Variants in CELF2 observed in about 807,000 individuals in gnomAD.
CELF2 encodes CUG triplet repeat RNA-binding protein 2.
A neutral mutation model predicts 62.6 loss-of-function variants in CELF2; 8 were observed. The observed-to-expected ratio is 0.13, with a 90% CI of 0.07 to 0.23. The LOEUF (loss-of-function observed/expected upper bound fraction) is 0.23. CELF2 is among the 10% of genes least tolerant of loss of function. CELF2 has a pLI of 1.00. For missense variants in CELF2, 333 were observed against 671.0 expected (o/e 0.50, Z 5.56); for synonymous variants, 258 against 250.0 (o/e 1.03, Z -0.30).
At chr10:11,055,199 A>T (rs1205241905) in intron 1 of CELF2, among the ~76,000 whole-genome samples, 1 of 152,264 alleles carries the variant, frequency 6.6e-6, no homozygotes, top group African/African-American at 2.4e-5. Flanking sequence ...GATACTTCAC[A>T]TGTATTTTCT....
Position 11,217,302 on chromosome 10 carries a change from A to G in CELF2, c.272-123A>G. 1.6e-6 allele frequency: 1 copy of G among 607,510 alleles called. No homozygotes were observed. The highest frequency in any genetic ancestry group is 2.9e-6 in the Non-Finnish European group (1 of 342,590). 37.6% of individuals were successfully genotyped at this position (607,510 alleles called of 1,614,324 possible). On this transcript the variant is annotated intron_variant, in intron 2 of 12. Coordinates refer to ENST00000633077, the MANE Select transcript of CELF2 (RefSeq NM_001326342.2). This position sits in a 1 kb window ranked among gnomAD's most constrained non-coding sequence, Gnocchi z 5.6. ...TTGAGATGTTGTTATTGCTGTTCTC[A>G]TATGCTTTATTATTTTTAAATTGTG...
In CELF2 at chr10:11,207,204, G is replaced by T. The variant is rs2060631360; in HGVS notation, c.272-10221G>T. On this transcript the variant is annotated intron_variant, in intron 2 of 12. Transcript: ENST00000633077. The surrounding 1 kb of genome is among the most constrained non-coding windows in gnomAD (Gnocchi z 4.1). ...TAGCTGTGCATATTAGGCTGCACTTGCTTTCCCAAGAGGCTTGAAAATGCA... is the reference window on the plus strand; with the variant it reads ...TAGCTGTGCATATTAGGCTGCACTTTCTTTCCCAAGAGGCTTGAAAATGCA... Among the ~76,000 whole-genome samples, 1 of 152,264 alleles carries T rather than the reference G, an allele frequency of 6.6e-6. No homozygotes were observed. Among genetic ancestry groups the T allele is most frequent in the Non-Finnish European group, 1.5e-5 (1 of 68,050 alleles).
chr10:10,799,492 T>TA (rs1564637187), intron 1 of CELF2, among the ~76,000 whole-genome samples: 4 of 151,722 alleles, frequency 2.6e-5, no homozygotes, highest in East Asian at 1.9e-4. Flanking sequence ...TCAAAAAATT[T>TA]AAAAAAAGAG....
At chr10:10,970,409 G>C (rs1043151327) in intron 2 of CELF2, among the ~76,000 whole-genome samples, 1 of 152,120 alleles carries the variant, frequency 6.6e-6, no homozygotes, top group African/African-American at 2.4e-5. Context: ...GATTAAAGTG[G>C]AATGTTAAAG....
At chr10:10,668,783 C>T in the CELF2 span, among the ~76,000 whole-genome samples, 7 of 152,044 alleles carry the variant, frequency 4.6e-5, no homozygotes, top group Non-Finnish European at 1.0e-4. Flanking sequence ...CATGATGAAA[C>T]CCTGTCTCTA....
the CELF2 span, among the ~76,000 whole-genome samples, chr10:10,516,865 T>C: frequency 6.6e-6 from 1 of 151,970 alleles, no homozygotes; most frequent in Non-Finnish European, 1.5e-5. Context: ...TCTCAGACAA[T>C]CCCTCTCAGC....
Position 11,262,948 on chromosome 10 carries a change from T to TTTTTTTTTTTTTTTTTG in CELF2, c.539-3634_539-3633insGTTTTTTTTTTTTTTTT, listed in dbSNP as rs2081152432. Among the ~76,000 whole-genome samples the TTTTTTTTTTTTTTTTTG allele has an allele frequency of 1.5e-5, 2 of 131,574 alleles. 1 individual carries two copies. The highest frequency in any genetic ancestry group is 5.7e-5 in the African/African-American group (2 of 35,214). The allele number at this position is 131,574 out of a possible 152,430, so 86.3% of individuals were successfully genotyped here. ...TTTTAAAAGTGGCTTTACTTTTTTT[T>TTTTTTTTTTTTTTTTTG]TTTTTTTTTTTTTTTTTTTGGTGCA... On this transcript the variant is annotated intron_variant, in intron 5 of 12. Coordinates refer to ENST00000633077, the MANE Select transcript of CELF2 (RefSeq NM_001326342.2).
chr10:10,613,053 A>T, the CELF2 span, among the ~76,000 whole-genome samples: 59 of 152,338 alleles, frequency 3.9e-4, no homozygotes, highest in African/African-American at 1.4e-3. Context: ...AGAAACGCTC[A>T]ACAGACACCC....
chr10:10,666,861 C>CAAAAA, the CELF2 span, among the ~76,000 whole-genome samples: 4 of 25,212 alleles, frequency 1.6e-4, no homozygotes, highest in African/African-American at 8.3e-4. Flanking sequence ...GACTCCGTCT[C>CAAAAA]AAAAAAAAAA....
In CELF2 at chr10:11,255,933, G is replaced by A. The variant is rs977941236; in HGVS notation, c.404-1805G>A. Among the ~76,000 whole-genome samples, 1 of 152,182 alleles carries A rather than the reference G, an allele frequency of 6.6e-6. No individual in the cohort carries two copies. Among genetic ancestry groups the A allele is most frequent in the Non-Finnish European group, 1.5e-5 (1 of 68,034 alleles). On this transcript the variant is annotated intron_variant, in intron 4 of 12. Coordinates refer to ENST00000633077, the MANE Select transcript of CELF2 (RefSeq NM_001326342.2). This position sits in a 1 kb window ranked among gnomAD's most constrained non-coding sequence, Gnocchi z 5.5. Reference sequence around the variant, plus strand: ...CTTCTCTCCTCCTCTGAACTTGGAGGAGACACAGCAGGGGAAGGAATCCTT... The same window carrying A: ...CTTCTCTCCTCCTCTGAACTTGGAGAAGACACAGCAGGGGAAGGAATCCTT...
At chr10:10,685,786 C>G in the CELF2 span, among the ~76,000 whole-genome samples, 9 of 152,164 alleles carry the variant, frequency 5.9e-5, no homozygotes, top group African/African-American at 2.2e-4. Context: ...CAGCTACTTT[C>G]ATGAGCTAAA....
At chr10:10,639,113 A>C in the CELF2 span, among the ~76,000 whole-genome samples, 1 of 152,236 alleles carries the variant, frequency 6.6e-6, no homozygotes, top group Admixed American at 6.5e-5. Flanking sequence ...GTTAACCACT[A>C]TATAATCATA....
intron 6 of CELF2, 152 bp downstream of exon 6, chr10:11,266,829 CT>C (rs1404848484): frequency 1.7e-4 from 2 of 12,000 alleles, no homozygotes; most frequent in East Asian, 6.2e-3. Flanking sequence ...TTCTCTCCTT[CT>C]CTCTCTCTCT....
intron 1 of CELF2, among the ~76,000 whole-genome samples, chr10:10,800,506 C>G (rs188251336): frequency 7.2e-4 from 110 of 152,260 alleles, no homozygotes; most frequent in African/African-American, 2.5e-3. Context: ...TGCCTACCAC[C>G]ATACCTGGCT....
At chr10:10,765,081 G>A in the CELF2 span, among the ~76,000 whole-genome samples, 2 of 152,156 alleles carry the variant, frequency 1.3e-5, no homozygotes, top group Admixed American at 6.5e-5. Context: ...GGTCACCCAC[G>A]GCTTGATCTT....
chr10:10,466,717 A>T, the CELF2 span, among the ~76,000 whole-genome samples: 1 of 152,068 alleles, frequency 6.6e-6, no homozygotes, highest in South Asian at 2.1e-4. Flanking sequence ...CATTTTGTGT[A>T]TTGCCAGTCT....
At chr10:11,322,514 A>G (rs1416776547) in intron 11 of CELF2, among the ~76,000 whole-genome samples, 1 of 152,198 alleles carries the variant, frequency 6.6e-6, no homozygotes, top group Non-Finnish European at 1.5e-5. Context: ...AAAAGCTAGA[A>G]TAGAGAAGCA....
rs1565233139 is a variant in CELF2 at position 11,197,053 on chromosome 10, G to GAAAGAAAGAAAGAAAGAAAGAAAGAAAGA, written c.272-20365_272-20364insGAAAGAAAGAAAGAAAGAAAGAAAAGAAA. Among the ~76,000 whole-genome samples, 5 of 57,168 alleles carry GAAAGAAAGAAAGAAAGAAAGAAAGAAAGA rather than the reference G, an allele frequency of 8.7e-5. 2 individuals are homozygous for GAAAGAAAGAAAGAAAGAAAGAAAGAAAGA. The highest frequency in any genetic ancestry group is 4.5e-4 in the Admixed American group (3 of 6,690). 37.5% of individuals were successfully genotyped at this position (57,168 alleles called of 152,430 possible). On this transcript the variant is annotated intron_variant, in intron 2 of 12. Coordinates refer to ENST00000633077, the MANE Select transcript of CELF2 (RefSeq NM_001326342.2). The stretch of plus-strand genomic sequence containing the variant: ...AGAAAGAAAGAAAGAAAGAAAGAAA[G>GAAAGAAAGAAAGAAAGAAAGAAAGAAAGA]AAAGAAAAGAAAGAAAGGAAAGAAA...
At chr10:10,778,644 T>C in the CELF2 span, among the ~76,000 whole-genome samples, 2 of 152,214 alleles carry the variant, frequency 1.3e-5, no homozygotes, top group Non-Finnish European at 2.9e-5. Context: ...AAGTCCCTCA[T>C]GGTGATATAC....
Sources: gnomAD v4.1 joint callset for allele counts (sites outside exome capture counted in the v4.1 genomes callset) on GRCh38, gnomAD v4.1.1 for gene constraint, Gnocchi (gnomAD v3.1) non-coding constraint, MANE v1.5 for transcripts, NCBI Gene and HGNC (gene_info 2026-07-23, HGNC 2026-07-21) for gene names.